The following DNAH9 variants were observed in gnomAD, a reference collection of about 807,000 sequenced individuals.
The protein encoded by DNAH9 is dynein axonemal heavy chain 9.
In DNAH9, 345 loss-of-function variants were observed where a neutral mutation model predicts 471.6. The observed-to-expected ratio is 0.73, with a 90% confidence interval of 0.67 to 0.80. The LOEUF (loss-of-function observed/expected upper bound fraction) is 0.80. Ranked by LOEUF, DNAH9 falls within the 30% of genes least tolerant of loss-of-function variation. The pLI, the probability that DNAH9 is intolerant of heterozygous loss-of-function variation, is 0.00. For synonymous variants in DNAH9, 2,093 were observed against 2,123.6 expected (o/e 0.99, Z 0.40); for missense variants, 5,407 against 5,609.2 (o/e 0.96, Z 1.15).
chr17:11,624,013 G>A (rs1227408421), intron 6 of DNAH9, among the ~76,000 whole-genome samples: 1 of 152,200 alleles, frequency 6.6e-6, no homozygotes, highest in Non-Finnish European at 1.5e-5. Flanking sequence ...ACATTGCCCA[G>A]TATTTTTCGG....
chr17:11,872,647 G>GA (rs1567865263), intron 52 of DNAH9, among the ~76,000 whole-genome samples: 1 of 152,168 alleles, frequency 6.6e-6, no homozygotes, highest in African/African-American at 2.4e-5. Context: ...TGGGCCGGGC[G>GA]CGGTGGCTCA....
chr17:11,652,935 AT>A lies in DNAH9; in HGVS notation c.2529del (p.His843GlnfsTer50). 1 of 1,614,058 alleles carries A rather than the reference AT, an allele frequency of 6.2e-7. No individual in the cohort carries two copies. The highest frequency in any genetic ancestry group is 1.1e-5 in the South Asian group (1 of 91,082). ...RESLLSLDDR[H>X]DRMEKYYNLI... ...TCCCTTCTTTCTCTGGATGATCGGCATGATCGAATGGAAAAATATTACAATC... is the reference window on the plus strand; with the variant it reads ...TCCCTTCTTTCTCTGGATGATCGGCAGATCGAATGGAAAAATATTACAATC... On this transcript the variant is annotated frameshift_variant, in exon 14 of 69. Transcript: ENST00000262442. LOFTEE classifies it high-confidence loss of function.
At chr17:11,868,261 T>G (rs1206767164) in intron 50 of DNAH9, among the ~76,000 whole-genome samples, 30 of 152,204 alleles carry the variant, frequency 2.0e-4, no homozygotes, top group Middle Eastern at 3.2e-3. Context: ...ACCTGCTTTT[T>G]AAACTGCTTG....
intron 26 of DNAH9, among the ~76,000 whole-genome samples, chr17:11,716,673 T>A (rs2074970002): frequency 6.6e-6 from 1 of 152,166 alleles, no homozygotes; most frequent in East Asian, 1.9e-4. Flanking sequence ...CTATGCAACT[T>A]CTCTTTTTGT....
intron 48 of DNAH9, among the ~76,000 whole-genome samples, chr17:11,827,070 C>G (rs903792986): frequency 1.3e-5 from 2 of 152,060 alleles, no homozygotes; most frequent in Non-Finnish European, 2.9e-5. Flanking sequence ...AGTGATCCAC[C>G]CGTCTTGGCC....
chr17:11,939,667 G>A (rs35252655), intron 66 of DNAH9, among the ~76,000 whole-genome samples: 25,583 of 152,138 alleles, frequency 0.17, 2,254 homozygotes, highest in Middle Eastern at 0.21. Context: ...GTAAATGACC[G>A]AGAGGTTGTA....
chr17:11,942,901 T>TC (rs994379768), intron 67 of DNAH9, among the ~76,000 whole-genome samples: 6 of 149,034 alleles, frequency 4.0e-5, no homozygotes, highest in South Asian at 2.2e-4. Flanking sequence ...TTTTTCTTTT[T>TC]TTTTTTTTTT....
At chr17:11,749,204 C>T (rs1214991633) in intron 32 of DNAH9, among the ~76,000 whole-genome samples, 1 of 151,466 alleles carries the variant, frequency 6.6e-6, no homozygotes, top group Admixed American at 6.6e-5. Flanking sequence ...TCTGCCTCAG[C>T]CTCCCGAGTA....
chr17:11,868,840 T>A (rs1972156464), intron 50 of DNAH9, among the ~76,000 whole-genome samples: 1 of 152,144 alleles, frequency 6.6e-6, no homozygotes, highest in Non-Finnish European at 1.5e-5. Context: ...AACACCTCGA[T>A]GACTGCGGTG....
At chr17:11,710,709 T>C (rs773276414) in intron 26 of DNAH9, among the ~76,000 whole-genome samples, 2 of 152,374 alleles carry the variant, frequency 1.3e-5, no homozygotes, top group Admixed American at 6.5e-5. Flanking sequence ...AATCCATGTT[T>C]ATTTTAAGAT....
In DNAH9 at chr17:11,664,944, C is replaced by T. The variant is rs745507578; in HGVS notation, c.2707C>T (p.Leu903Phe). Reference sequence around the variant, plus strand: ...ATTCTTTCTTGCCATTGAGTGCTCCCTCAAGTATCTTCTGGAAAATACTGG... The same window carrying T: ...ATTCTTTCTTGCCATTGAGTGCTCCTTCAAGTATCTTCTGGAAAATACTGG... ...NGFFLAIECS[L>F]KYLLENTECK... The change falls in exon 15 of 69, where the codon CTC becomes TTC. Residue 903 changes from leucine to phenylalanine, a missense_variant. Transcript: ENST00000262442. 6.2e-7 allele frequency: 1 copy of T among 1,613,488 alleles called. No homozygotes were observed. Among genetic ancestry groups the T allele is most frequent in the Non-Finnish European group, 8.5e-7 (1 of 1,179,606 alleles).
intron 24 of DNAH9, among the ~76,000 whole-genome samples, chr17:11,703,014 A>G (rs549210192): frequency 6.6e-6 from 1 of 150,604 alleles, no homozygotes; most frequent in Non-Finnish European, 1.5e-5. Context: ...AATGGCGTGA[A>G]CCCGGGAGGC....
At chr17:11,968,859 G>C (rs1269577439) in intron 68 of DNAH9, among the ~76,000 whole-genome samples, 1 of 152,216 alleles carries the variant, frequency 6.6e-6, no homozygotes, top group African/African-American at 2.4e-5. Context: ...AGTTGCATAT[G>C]AAATAGAAAA....
chr17:11,751,165 A>T (rs1281850253), intron 32 of DNAH9, among the ~76,000 whole-genome samples: 2 of 152,002 alleles, frequency 1.3e-5, no homozygotes, highest in Non-Finnish European at 2.9e-5. Flanking sequence ...TTCTTCATTA[A>T]GAAGTAGAAA....
intron 28 of DNAH9, among the ~76,000 whole-genome samples, chr17:11,735,585 G>A (rs768638143): frequency 2.6e-5 from 4 of 152,050 alleles, no homozygotes; most frequent in Non-Finnish European, 5.9e-5. Flanking sequence ...ACAGGCATGT[G>A]CCACCAGGCC....
chr17:11,608,006 C>T (rs551408596), intron 1 of DNAH9, 123 bp from the exon 2 acceptor site: 1 of 650,576 alleles, frequency 1.5e-6, no homozygotes, highest in East Asian at 2.7e-5. Flanking sequence ...TATTATTAGG[C>T]CTTCCAGCAC....
intron 61 of DNAH9, among the ~76,000 whole-genome samples, chr17:11,915,476 A>T (rs1480637393): frequency 6.6e-6 from 1 of 152,188 alleles, no homozygotes; most frequent in Non-Finnish European, 1.5e-5. Flanking sequence ...ATGAGCCAAG[A>T]TCGCACCACT....
rs148678629 is a variant in DNAH9, at chr17:11,894,402, C to A, written c.11312C>A (p.Ala3771Glu). The change falls in exon 59 of 69, where the codon GCA becomes GAA. Residue 3771 changes from alanine (A) to glutamate (E), a missense_variant. Around this residue, in one of 3 missense-constraint regions of DNAH9, gnomAD observed 4,636 missense variants for 4,900.3 expected, o/e 0.95. Transcript: ENST00000262442. ...CTCCTCATGAACCGAGAAGTCAATGCAGTGGAGTTGGATTTCCTGCTTCGA... is the reference window on the plus strand; with the variant it reads ...CTCCTCATGAACCGAGAAGTCAATGAAGTGGAGTTGGATTTCCTGCTTCGA... ...QILLMNREVNAVELDFLLRSP... is the reference protein window; with the variant it reads ...QILLMNREVNEVELDFLLRSP... 3.1e-5 allele frequency: 50 copies of A among 1,614,176 alleles called. No homozygotes were observed. In the African/African-American group the frequency reaches 5.2e-4, roughly 17 times the overall value.
Position 11,797,670 on chromosome 17 carries a change from C to T in DNAH9, c.8297C>T (p.Pro2766Leu). ...YCHFANGIGE[P>L]KYMPVQSWEL... ...CACTTTGCAAATGGTATTGGGGAGC[C>T]CAAATACATGCCTGTACAGTCTTGG... The change falls in exon 43 of 69, where the codon CCC becomes CTC. Residue 2766 changes from proline to leucine, a missense_variant. Transcript: ENST00000262442. 6.2e-7 allele frequency: 1 copy of T among 1,614,168 alleles called. No homozygotes were observed. Among genetic ancestry groups the T allele is most frequent in the Non-Finnish European group, 8.5e-7 (1 of 1,180,036 alleles).
Sources: gnomAD v4.1 joint callset for allele counts (sites outside exome capture counted in the v4.1 genomes callset) on GRCh38, gnomAD v4.1.1 for gene constraint, gnomAD v4.1.1 regional missense constraint, MANE v1.5 for transcripts, NCBI Gene and HGNC (gene_info 2026-07-23, HGNC 2026-07-21) for gene names.